ZBED5: variants seen among roughly 807,000 people sequenced by gnomAD.
The protein encoded by ZBED5 is zinc finger BED domain-containing protein 5.
A neutral mutation model predicts 49.2 loss-of-function variants in ZBED5; 29 were observed. The observed-to-expected ratio is 0.59, with a 90% CI of 0.44 to 0.80. The LOEUF (loss-of-function observed/expected upper bound fraction) is 0.80, where lower values mean the gene tolerates loss of function less well. Among genes scored for constraint, ZBED5 ranks in the 30% least tolerant of loss-of-function variants. The pLI is 0.00. For missense variants in ZBED5, 775 were observed against 812.9 expected (o/e 0.95, Z 0.57); for synonymous variants, 281 against 292.5 (o/e 0.96, Z 0.40).
chr11:10,855,649 G>A lies in ZBED5; in HGVS notation c.-142+495C>T, dbSNP rs1430211480. 1 of 152,138 alleles carries A rather than the reference G, an allele frequency of 6.6e-6. No individual in the cohort carries two copies. Among genetic ancestry groups the A allele is most frequent in the African/African-American group, 2.4e-5 (1 of 41,428 alleles). The allele number at this position is 152,138 out of a possible 1,614,324, so 9.4% of individuals were successfully genotyped here. A position where few individuals can be genotyped will look rare whatever the true frequency, so the allele number is the denominator to read the frequency against. ...GGGCTAGCAACAATTCTGAAGAAGT[G>A]AATTAAACACACACACAGTTCCAAG... On this transcript the variant is annotated intron_variant, in intron 2 of 2. Transcript: ENST00000413761. This position sits in a 1 kb window ranked among gnomAD's most constrained non-coding sequence, Gnocchi z 4.1.
At position 10,852,788 on chromosome 11, in the gene ZBED5, T is replaced by C. The variant is rs1848117528; in HGVS notation, c.*76A>G. ...AATCATTTTATTTAAATCCCCCAAA[T>C]ACCAGAGATGAAGTAAATCATCTTT... On this transcript the variant is annotated 3_prime_UTR_variant, in exon 3 of 3. Transcript: ENST00000413761. 3 of 1,423,126 alleles carry C rather than the reference T, an allele frequency of 2.1e-6. No homozygotes were observed. Among genetic ancestry groups the C allele is most frequent in the African/African-American group, 1.4e-5 (1 of 69,668 alleles). The allele number at this position is 1,423,126 out of a possible 1,614,324, so 88.2% of individuals were successfully genotyped here.
chr11:10,853,180 G>A lies in ZBED5; in HGVS notation c.1766C>T (p.Ala589Val). The A allele has an allele frequency of 7.7e-6, 12 of 1,551,632 alleles. No homozygotes were observed. Among genetic ancestry groups the A allele is most frequent in the Non-Finnish European group, 1.0e-5 (12 of 1,146,968 alleles). The change falls in exon 3 of 3, where the codon GCA becomes GTA. Residue 589 changes from alanine to valine, a missense_variant. Coordinates refer to ENST00000413761, the MANE Select transcript of ZBED5 (RefSeq NM_001143667.2). This position sits in a 1 kb window ranked among gnomAD's most constrained non-coding sequence, Gnocchi z 5.4. The part of the protein sequence containing the change: ...TVTVKPASLV[A>V]RDYESLIDLT... ...ATCAATCAGGCTCTCATAGTCCCGTGCTACTAATGAAGCTGGTTTAACAGT... is the reference window on the plus strand; with the variant it reads ...ATCAATCAGGCTCTCATAGTCCCGTACTACTAATGAAGCTGGTTTAACAGT...
In ZBED5 at chr11:10,853,813, G is replaced by A. The variant is rs532840337; in HGVS notation, c.1133C>T (p.Ala378Val). 5 of 1,551,590 alleles carry A rather than the reference G, an allele frequency of 3.2e-6. No homozygotes were observed. The Admixed American group carries it at 7.8e-5, about 24-fold the overall frequency. Residue 378 changes from alanine to valine, a missense_variant, in exon 3 of 3, where the codon GCA becomes GTA. Physicochemically the swap from Ala to Val is moderately conservative, Grantham distance 64 (BLOSUM62 0). Transcript: ENST00000413761. This position sits in a 1 kb window ranked among gnomAD's most constrained non-coding sequence, Gnocchi z 5.4. ...TGTAGGCATTATTTTAACTGCCAGT[G>A]CATGTCTGTATAATAGGCAGTGACT... ...TSSHCLLYRHALAVKIMPTSL... is the reference protein window; with the variant it reads ...TSSHCLLYRHVLAVKIMPTSL...
Position 10,854,166 on chromosome 11 carries a change from T to G in ZBED5, c.780A>C (p.Glu260Asp). 1 of 1,551,114 alleles carries G rather than the reference T, an allele frequency of 6.4e-7. No homozygotes were observed. The highest frequency in any genetic ancestry group is 8.7e-7 in the Non-Finnish European group (1 of 1,146,602). Reference protein sequence around the residue: ...RRIKDLAADIEEELVCRLKIC... With the variant: ...RRIKDLAADIDEELVCRLKIC... ...TTTTCAGTCTACAAACAAGCTCTTC[T>G]TCAATGTCAGCAGCTAGATCCTTAA... The change falls in exon 3 of 3, where the codon GAA becomes GAC. Residue 260 changes from glutamate (E) to aspartate (D), a missense_variant. By Grantham distance (45) the Glu-to-Asp change is conservative. Transcript: ENST00000413761. The surrounding 1 kb of genome is among the most constrained non-coding windows in gnomAD (Gnocchi z 5.0).
rs1848148790 is a variant in ZBED5, at chr11:10,854,291, T to C, written c.655A>G (p.Lys219Glu). The change falls in exon 3 of 3, where the codon AAA becomes GAA. Residue 219 changes from lysine (K) to glutamate (E), a missense_variant. Lys to Glu is a moderately conservative substitution (Grantham distance 56, BLOSUM62 1). Transcript: ENST00000413761. This position sits in a 1 kb window ranked among gnomAD's most constrained non-coding sequence, Gnocchi z 5.0. ...EAHTIGELLI[K>E]PCAKDVVMRM... ...ATCACTACATCTTTTGCACAAGGTTTGATAAGCAATTCTCCAATAGTATGA... is the reference window on the plus strand; with the variant it reads ...ATCACTACATCTTTTGCACAAGGTTCGATAAGCAATTCTCCAATAGTATGA... 6.4e-7 allele frequency: 1 copy of C among 1,551,044 alleles called. No homozygotes were observed. The highest frequency in any genetic ancestry group is 8.7e-7 in the Non-Finnish European group (1 of 1,146,910).
rs758071793 is a variant in ZBED5 at position 10,854,233 on chromosome 11, A to AT, written c.712dup (p.Ile238AsnfsTer16). ...ACTGTTTGATAGCTGTACTGCATCT[A>AT]TTTTTTTACTATATTGTTCATCAAA... On this transcript the variant is annotated frameshift_variant, in exon 3 of 3. Coordinates refer to ENST00000413761, the MANE Select transcript of ZBED5 (RefSeq NM_001143667.2). LOFTEE classifies it high-confidence loss of function. The surrounding 1 kb of genome is among the most constrained non-coding windows in gnomAD (Gnocchi z 5.0). The AT allele has an allele frequency of 1.8e-5, 28 of 1,550,606 alleles. No homozygotes were observed. Among genetic ancestry groups the AT allele is most frequent in the Non-Finnish European group, 2.3e-5 (26 of 1,146,500 alleles).
In ZBED5 at chr11:10,853,567, C is replaced by T. The variant is rs937970102; in HGVS notation, c.1379G>A (p.Arg460Gln). 7.7e-6 allele frequency: 12 copies of T among 1,550,006 alleles called. No homozygotes were observed. Among genetic ancestry groups the T allele is most frequent in the South Asian group, 3.6e-5 (3 of 83,890 alleles). The change falls in exon 3 of 3, where the codon CGA becomes CAA. Residue 460 changes from arginine (R) to glutamine (Q), a missense_variant. By Grantham distance (43) the Arg-to-Gln change is conservative. Transcript: ENST00000413761. The surrounding 1 kb of genome is among the most constrained non-coding windows in gnomAD (Gnocchi z 5.4). ...TGAATTTGTTAAACAATCAGATAGT[C>T]GAAAAGCAGAATCCATGAAAACCAA... Reference protein sequence around the residue: ...ELLVFMDSAFRLSDCLTNSSW... With the variant: ...ELLVFMDSAFQLSDCLTNSSW...
Position 10,853,350 on chromosome 11 carries a change from A to G in ZBED5, c.1596T>C (p.Asp532=). Residue 532 remains aspartate, a synonymous_variant, in exon 3 of 3, where the codon GAT becomes GAC. Transcript: ENST00000413761. This position sits in a 1 kb window ranked among gnomAD's most constrained non-coding sequence, Gnocchi z 5.4. ...CTGTAGAATTAATTTCAGTCAAAAA[A>G]TCACTGAGTGTAGGAAAACAATCAA... is the stretch of plus-strand genomic sequence containing the variant. ...ENFDCFPTLS[D]FLTEINSTVD... is the part of the protein sequence containing the mutation. 1 of 1,551,642 alleles carries G rather than the reference A, an allele frequency of 6.4e-7. No individual in the cohort carries two copies. The highest frequency in any genetic ancestry group is 8.7e-7 in the Non-Finnish European group (1 of 1,146,938).
Position 10,853,112 on chromosome 11 carries a change from A to G in ZBED5, c.1834T>C (p.Ser612Pro). The G allele has an allele frequency of 6.4e-7, 1 of 1,551,652 alleles. No individual in the cohort carries two copies. Among genetic ancestry groups the G allele is most frequent in the Non-Finnish European group, 8.7e-7 (1 of 1,146,962 alleles). The change falls in exon 3 of 3, where the codon TCA becomes CCA. Residue 612 changes from serine (S) to proline (P), a missense_variant. By Grantham distance (74) the Ser-to-Pro change is moderately conservative (BLOSUM62 -1). Coordinates refer to ENST00000413761, the MANE Select transcript of ZBED5 (RefSeq NM_001143667.2). The surrounding 1 kb of genome is among the most constrained non-coding windows in gnomAD (Gnocchi z 5.4). ...AGGCTACTCCAAAAATCATTTAGTG[A>G]AAGTTCACTAAAATTTTGCTTCACT... ...SQVKQNFSEL[S>P]LNDFWSSLIQ...
chr11:10,856,323 G>C (rs894254669), intron 1 of ZBED5, 66 bp from the exon 2 acceptor site: 2 of 152,082 alleles, frequency 1.3e-5, no homozygotes, highest in African/African-American at 4.8e-5. Context: ...CCGTAAGATG[G>C]GTTTATTCTT....
Position 10,854,423 on chromosome 11 carries a change from G to A in ZBED5, c.523C>T (p.Pro175Ser), listed in dbSNP as rs909784487. Residue 175 changes from proline to serine, a missense_variant, in exon 3 of 3, where the codon CCT becomes TCT. Coordinates refer to ENST00000413761, the MANE Select transcript of ZBED5 (RefSeq NM_001143667.2). The surrounding 1 kb of genome is among the most constrained non-coding windows in gnomAD (Gnocchi z 5.0). ...ISFFKQHLDS[P>S]ENNKPPTPKI... is the part of the protein sequence containing the mutation. ...GGTGTTGGGGGTTTATTATTTTCAG[G>A]TGAATCGAGATGTTGCTTGAAAAAG... 34 of 1,551,306 alleles carry A rather than the reference G, an allele frequency of 2.2e-5. No homozygotes were observed. The highest frequency in any genetic ancestry group is 2.7e-5 in the African/African-American group (2 of 73,116).
In ZBED5 at chr11:10,854,896, G is replaced by C. The variant is rs2232918; in HGVS notation, c.50C>G (p.Ala17Gly). Residue 17 changes from alanine (A) to glycine (G), a missense_variant, in exon 3 of 3, where the codon GCG (alanine) becomes GGG (glycine). Transcript: ENST00000413761. The surrounding 1 kb of genome is among the most constrained non-coding windows in gnomAD (Gnocchi z 5.0). ...TAATTTAGAATAGACATTGAGTATC[G>C]CAAATGTGTTGAAATTATAAGACAG... ...CILSYNFNTF[A>G]ILNVYSKLTM... 3.9e-5 allele frequency: 61 copies of C among 1,551,312 alleles called. 1 individual carries two copies. In the South Asian group the frequency reaches 7.1e-4, roughly 18 times the overall value.
rs1253694315 is a variant in ZBED5, at chr11:10,857,836, G to C, written c.-256+26C>G. The C allele has an allele frequency of 3.9e-5, 6 of 152,790 alleles. No homozygotes were observed. The highest frequency in any genetic ancestry group is 1.2e-4 in the African/African-American group (5 of 41,498). 9.5% of individuals were successfully genotyped at this position (152,790 alleles called of 1,614,324 possible). A position where few individuals can be genotyped will look rare whatever the true frequency, so the allele number is the denominator to read the frequency against. On this transcript the variant is annotated intron_variant, in intron 1 of 2. Transcript: ENST00000413761. This position sits in a 1 kb window ranked among gnomAD's most constrained non-coding sequence, Gnocchi z 6.3. The stretch of plus-strand genomic sequence containing the variant: ...CGGCCATTTCAGAGCGCACCGCTTA[G>C]CCGCGGCGGCGGCTCTGCTTCTCAC...
Position 10,852,846 on chromosome 11 carries a change from A to G in ZBED5, c.*18T>C. The G allele has an allele frequency of 6.6e-7, 1 of 1,507,438 alleles. No homozygotes were observed. Among genetic ancestry groups the G allele is most frequent in the Non-Finnish European group, 8.9e-7 (1 of 1,118,620 alleles). 93.4% of individuals were successfully genotyped at this position (1,507,438 alleles called of 1,614,324 possible). On this transcript the variant is annotated 3_prime_UTR_variant, in exon 3 of 3. Coordinates refer to ENST00000413761, the MANE Select transcript of ZBED5 (RefSeq NM_001143667.2). ...ATCTTACATTTGGTTATCATGAGACATGCAAACTCCTCCAATTTTAATGAG... is the reference window on the plus strand; with the variant it reads ...ATCTTACATTTGGTTATCATGAGACGTGCAAACTCCTCCAATTTTAATGAG...
rs1848116686 is a variant in ZBED5 at position 10,852,751 on chromosome 11, A to G, written c.*113T>C. 1.4e-6 allele frequency: 2 copies of G among 1,394,550 alleles called. No individual in the cohort carries two copies. The highest frequency in any genetic ancestry group is 1.9e-6 in the Non-Finnish European group (2 of 1,069,054). The allele number at this position is 1,394,550 out of a possible 1,614,324, so 86.4% of individuals were successfully genotyped here. The stretch of plus-strand genomic sequence containing the variant: ...TTAGCCTTCTTAAAATCTAAATAGT[A>G]TAAAAAAATGGAATCATTTTATTTA... On this transcript the variant is annotated 3_prime_UTR_variant, in exon 3 of 3. Transcript: ENST00000413761.
At position 10,853,414 on chromosome 11, in the gene ZBED5, T is replaced by C; in HGVS notation, c.1532A>G (p.Lys511Arg). Residue 511 changes from lysine to arginine, a missense_variant, in exon 3 of 3, where the codon AAA becomes AGA. Lys to Arg is a conservative substitution (Grantham distance 26). Transcript: ENST00000413761. This position sits in a 1 kb window ranked among gnomAD's most constrained non-coding sequence, Gnocchi z 5.4. Reference protein sequence around the residue: ...VFDKMSSLLRKLEFWASSVEE... With the variant: ...VFDKMSSLLRRLEFWASSVEE... ...TACAGATGAGGCCCAAAATTCCAAT[T>C]TTCTTAACAATGACGACATTTTATC... 6.5e-7 allele frequency: 1 copy of C among 1,549,664 alleles called. No homozygotes were observed. Among genetic ancestry groups the C allele is most frequent in the East Asian group, 2.4e-5 (1 of 40,896 alleles).
At position 10,853,574 on chromosome 11, in the gene ZBED5, C is replaced by T; in HGVS notation, c.1372G>A (p.Ala458Thr). Residue 458 changes from alanine to threonine, a missense_variant, in exon 3 of 3, where the codon GCT (alanine) becomes ACT (threonine). Ala to Thr is a moderately conservative substitution (Grantham distance 58). Transcript: ENST00000413761. The surrounding 1 kb of genome is among the most constrained non-coding windows in gnomAD (Gnocchi z 5.4). ...GTTAAACAATCAGATAGTCGAAAAG[C>T]AGAATCCATGAAAACCAAAAGTTCA... ...RRELLVFMDSAFRLSDCLTNS... is the reference protein window; with the variant it reads ...RRELLVFMDSTFRLSDCLTNS... The T allele has an allele frequency of 6.4e-7, 1 of 1,550,412 alleles. No individual in the cohort carries two copies. The highest frequency in any genetic ancestry group is 8.7e-7 in the Non-Finnish European group (1 of 1,146,376).
chr11:10,854,097 A>C lies in ZBED5; in HGVS notation c.849T>G (p.Val283=). Reference sequence around the variant, plus strand: ...ACACAAGCAGCACAGCAAGTCCTGAAACATCAGCTGATTCATCTAGTTGCA... The same window carrying C: ...ACACAAGCAGCACAGCAAGTCCTGACACATCAGCTGATTCATCTAGTTGCA... ...FSLQLDESAD[V]SGLAVLLVFV... is the part of the protein sequence containing the mutation. The change falls in exon 3 of 3, where the codon GTT becomes GTG. Residue 283 remains valine, a synonymous_variant. Coordinates refer to ENST00000413761, the MANE Select transcript of ZBED5 (RefSeq NM_001143667.2). The surrounding 1 kb of genome is among the most constrained non-coding windows in gnomAD (Gnocchi z 5.0). 6.4e-7 allele frequency: 1 copy of C among 1,550,860 alleles called. No homozygotes were observed. The highest frequency in any genetic ancestry group is 8.7e-7 in the Non-Finnish European group (1 of 1,146,426).
Position 10,855,302 on chromosome 11 carries a change from T to C in ZBED5, c.-141-216A>G, listed in dbSNP as rs1564998840. 6.6e-6 allele frequency among the ~76,000 whole-genome samples: 1 copy of C among 152,194 alleles called. No individual in the cohort carries two copies. Among genetic ancestry groups the C allele is most frequent in the Non-Finnish European group, 1.5e-5 (1 of 68,028 alleles). On this transcript the variant is annotated intron_variant, in intron 2 of 2. Coordinates refer to ENST00000413761, the MANE Select transcript of ZBED5 (RefSeq NM_001143667.2). This position sits in a 1 kb window ranked among gnomAD's most constrained non-coding sequence, Gnocchi z 4.1. ...GCCAATAAATTATTAAGAGTTGTTATACATATTTTTAAGAAAGGGACCCTG... is the reference window on the plus strand; with the variant it reads ...GCCAATAAATTATTAAGAGTTGTTACACATATTTTTAAGAAAGGGACCCTG...
Sources: gnomAD v4.1 joint callset for allele counts (sites outside exome capture counted in the v4.1 genomes callset) on GRCh38, gnomAD v4.1.1 for gene constraint, Gnocchi (gnomAD v3.1) non-coding constraint, MANE v1.5 for transcripts, NCBI Gene and HGNC (gene_info 2026-07-23, HGNC 2026-07-21) for gene names.